Variants in UMAD1 observed in about 807,000 individuals in gnomAD.
The protein encoded by UMAD1 is UBAP1-MVB12-associated (UMA)-domain containing protein 1.
Under a neutral mutation model 6.1 loss-of-function variants are expected in UMAD1, and 8 were observed. That is an observed-to-expected ratio of 1.30 (90% CI 0.76 to 2.35). UMAD1 has a LOEUF of 2.35. Among genes scored for constraint, UMAD1 ranks in the 30% most tolerant of loss-of-function variants. The pLI is 0.00. For missense variants in UMAD1, 130 were observed against 78.4 expected, an observed-to-expected ratio of 1.66 and a Z score of -2.49; for synonymous variants, 56 against 31.4, an observed-to-expected ratio of 1.78 and a Z score of -2.61.
rs141940999 is a variant in UMAD1 at position 7,769,121 on chromosome 7, G to A, written c.83-32549G>A. On this transcript the variant is annotated intron_variant, in intron 2 of 3. Coordinates refer to ENST00000682710, the MANE Select transcript of UMAD1 (RefSeq NM_001302348.2). The stretch of plus-strand genomic sequence containing the variant: ...CTGTCCAGAAATTTAGCTTTTGTTT[G>A]GCTGCAATTTGCACATTTGGGCATA... 9.7e-3 allele frequency among the ~76,000 whole-genome samples: 1,481 copies of A among 152,190 alleles called. 10 individuals are homozygous for A. The highest frequency in any genetic ancestry group is 0.051 in the Middle Eastern group (15 of 294).
intron 3 of UMAD1, among the ~76,000 whole-genome samples, chr7:7,822,413 T>C (rs1255343022): frequency 6.6e-6 from 1 of 152,152 alleles, no homozygotes; most frequent in Non-Finnish European, 1.5e-5. Flanking sequence ...CGTTTTGTTT[T>C]TCATGCCTTT....
intron 2 of UMAD1, among the ~76,000 whole-genome samples, chr7:7,791,868 A>C (rs944866862): frequency 6.6e-6 from 1 of 152,232 alleles, no homozygotes; most frequent in African/African-American, 2.4e-5. Flanking sequence ...TTAAAATCTA[A>C]CATGGTGCCT....
chr7:7,704,598 GA>G (rs35661728), intron 2 of UMAD1, among the ~76,000 whole-genome samples: 35,919 of 93,626 alleles, frequency 0.38, 5,156 homozygotes, highest in Middle Eastern at 0.48. Flanking sequence ...TACTAAAATA[GA>G]AAAAAAAAAA....
chr7:7,735,184 A>G (rs1781327175), intron 2 of UMAD1, among the ~76,000 whole-genome samples: 1 of 152,214 alleles, frequency 6.6e-6, no homozygotes, highest in South Asian at 2.1e-4. Context: ...AAAAGTTGAC[A>G]TTGGTAACAC....
intron 2 of UMAD1, among the ~76,000 whole-genome samples, chr7:7,720,055 C>T (rs921987238): frequency 6.6e-6 from 1 of 152,050 alleles, no homozygotes; most frequent in African/African-American, 2.4e-5. Context: ...TGAATAAAGC[C>T]ATCTGTTTGA....
intron 2 of UMAD1, among the ~76,000 whole-genome samples, chr7:7,789,879 T>C (rs1013585247): frequency 1.3e-5 from 2 of 152,194 alleles, no homozygotes; most frequent in African/African-American, 4.8e-5. Context: ...GCTTCCACCA[T>C]TGGCCATCGT....
chr7:7,791,258 C>T (rs1226422258), intron 2 of UMAD1, among the ~76,000 whole-genome samples: 1 of 152,160 alleles, frequency 6.6e-6, no homozygotes, highest in Non-Finnish European at 1.5e-5. Context: ...TTTTTTATGG[C>T]AGTCCTGTTT....
chr7:7,731,492 A>C (rs55808135), intron 2 of UMAD1, among the ~76,000 whole-genome samples: 31,660 of 109,352 alleles, frequency 0.29, 4,272 homozygotes, highest in Non-Finnish European at 0.32. Flanking sequence ...ACCCCCCCCC[A>C]AAAAAAAAAC....
chr7:7,782,430 A>G (rs572388429), intron 2 of UMAD1, among the ~76,000 whole-genome samples: 1 of 152,212 alleles, frequency 6.6e-6, no homozygotes, highest in East Asian at 1.9e-4. Context: ...GTCTTATCTC[A>G]TCTTTTTCCT....
At chr7:7,699,803 T>C (rs904042780) in intron 2 of UMAD1, among the ~76,000 whole-genome samples, 1 of 152,182 alleles carries the variant, frequency 6.6e-6, no homozygotes, top group South Asian at 2.1e-4. Context: ...TAAATATTTG[T>C]TGGGGGAGAA....
chr7:7,665,855 T>C (rs1779438738), intron 1 of UMAD1, among the ~76,000 whole-genome samples: 1 of 152,078 alleles, frequency 6.6e-6, no homozygotes. Flanking sequence ...TTGCATGTTG[T>C]AGCATGTATC....
chr7:7,838,733 T>C (rs1228354661), intron 3 of UMAD1, among the ~76,000 whole-genome samples: 1 of 152,132 alleles, frequency 6.6e-6, no homozygotes, highest in Non-Finnish European at 1.5e-5. Context: ...TAATGTTTAT[T>C]CACAAATGAA....
chr7:7,808,293 A>G (rs1782957464), intron 3 of UMAD1, among the ~76,000 whole-genome samples: 1 of 151,920 alleles, frequency 6.6e-6, no homozygotes, highest in African/African-American at 2.4e-5. Flanking sequence ...CTAGTCTTGG[A>G]GCCTGTAACT....
rs77243918 is a variant in UMAD1, at chr7:7,664,235, T to C, written c.-63-9074T>C. Among the ~76,000 whole-genome samples, 4 of 152,264 alleles carry C rather than the reference T, an allele frequency of 2.6e-5. No individual in the cohort carries two copies. The East Asian group carries it at 7.7e-4, about 29-fold the overall frequency. ...TCCTTTTCTTATTCATAATACCACT[T>C]TTCCATATCATTTCTGTACATCCCT... On this transcript the variant is annotated intron_variant, in intron 1 of 3. Coordinates refer to ENST00000682710, the MANE Select transcript of UMAD1 (RefSeq NM_001302348.2).
chr7:7,778,964 G>A (rs75614129), intron 2 of UMAD1, among the ~76,000 whole-genome samples: 1,723 of 152,308 alleles, frequency 0.011, 13 homozygotes, highest in Middle Eastern at 0.024. Context: ...ATGATCTCAT[G>A]TAAACCTCTT....
intron 3 of UMAD1, among the ~76,000 whole-genome samples, chr7:7,802,371 C>A (rs1442342779): frequency 9.4e-6 from 1 of 106,340 alleles, no homozygotes; most frequent in African/African-American, 5.8e-5. Flanking sequence ...AGCGAGACTC[C>A]GTCTCAAAAA....
At chr7:7,683,708 C>T (rs1377844286) in intron 2 of UMAD1, among the ~76,000 whole-genome samples, 4 of 151,836 alleles carry the variant, frequency 2.6e-5, no homozygotes, top group Admixed American at 6.6e-5. Flanking sequence ...CTGCAATCTC[C>T]GCCTCCTGGG....
intron 1 of UMAD1, among the ~76,000 whole-genome samples, chr7:7,657,298 C>T (rs1785366893): frequency 6.6e-6 from 1 of 152,150 alleles, no homozygotes. Flanking sequence ...TTTTGCTGTG[C>T]AGAAGCTCTT....
intron 3 of UMAD1, among the ~76,000 whole-genome samples, chr7:7,855,514 G>T (rs1438465595): frequency 6.6e-6 from 1 of 152,176 alleles, no homozygotes; most frequent in South Asian, 2.1e-4. Context: ...TTGTACCTTG[G>T]CCCCTTTTAG....
Sources: allele counts gnomAD v4.1 joint callset (sites outside exome capture counted in the v4.1 genomes callset), GRCh38; gene constraint gnomAD v4.1.1; transcripts MANE v1.5; gene names NCBI Gene and HGNC (gene_info 2026-07-23, HGNC 2026-07-21).